Variants in CFLAR observed in about 807,000 individuals in gnomAD.
CFLAR encodes the protein CASP8 and FADD-like apoptosis regulator.
CFLAR carries 14 observed loss-of-function variants against 51.1 expected under a neutral mutation model. The observed-to-expected ratio is 0.27, with a 90% CI of 0.18 to 0.43. The LOEUF is 0.43. Among genes scored for constraint, CFLAR ranks in the 20% least tolerant of loss-of-function variants. The pLI is 1.00. For synonymous variants in CFLAR, 210 were observed against 211.6 expected, an observed-to-expected ratio of 0.99 and a Z score of 0.06; for missense variants, 390 against 566.5, an observed-to-expected ratio of 0.69 and a Z score of 3.16.
chr2:201,148,962 T>C (rs766671268), intron 6 of CFLAR, 41 bp from the exon 7 acceptor site: 1 of 1,452,184 alleles, frequency 6.9e-7, no homozygotes. Context: ...GACTTAGCTC[T>C]CCTTCAGCTT....
At chr2:201,161,073 G>A in intron 9 of CFLAR, 131 bp downstream of exon 9, 1 of 650,718 alleles carries the variant, frequency 1.5e-6, no homozygotes. Flanking sequence ...TCCTGCATTG[G>A]GCTTGCCCTA....
At chr2:201,148,828 T>TCA (rs1940753007) in intron 6 of CFLAR, 175 bp from the exon 7 acceptor site, 2 of 544,322 alleles carry the variant, frequency 3.7e-6, no homozygotes, top group Non-Finnish European at 6.7e-6. Context: ...TTTTCTTATG[T>TCA]CACTTTCTTC....
At chr2:201,139,951 G>A (rs1434850135) in intron 4 of CFLAR, 4 of 202,996 alleles carry the variant, frequency 2.0e-5, no homozygotes, top group South Asian at 1.7e-4. Flanking sequence ...GGTGTGGAGG[G>A]GCAACCCACC....
At chr2:201,150,867 A>G (rs1236423726) in intron 8 of CFLAR, among the ~76,000 whole-genome samples, 3 of 152,228 alleles carry the variant, frequency 2.0e-5, no homozygotes, top group Non-Finnish European at 4.4e-5. Context: ...TGGGGGACAC[A>G]TAACAGTGTC....
At chr2:201,148,161 A>T (rs1165612066) in intron 6 of CFLAR, 1 of 152,096 alleles carries the variant, frequency 6.6e-6, no homozygotes, top group African/African-American at 2.4e-5. Context: ...TTTGATTTTT[A>T]TGCCTCCAGA....
intron 6 of CFLAR, among the ~76,000 whole-genome samples, chr2:201,147,023 G>A (rs1275937362): frequency 2.6e-5 from 4 of 152,196 alleles, no homozygotes; most frequent in Non-Finnish European, 4.4e-5. Flanking sequence ...TTAGTATTCC[G>A]AAGCCTGTTT....
chr2:201,163,152 T>G (rs1272858565), intron 9 of CFLAR: 1 of 843,974 alleles, frequency 1.2e-6, no homozygotes. Flanking sequence ...GCTCTTATAT[T>G]TCCTCAAGTT....
chr2:201,164,032 A>G lies in CFLAR; in HGVS notation c.*59A>G, dbSNP rs3201947. 6.9e-7 allele frequency: 1 copy of G among 1,453,272 alleles called. No homozygotes were observed. The highest frequency in any genetic ancestry group is 1.4e-5 in the African/African-American group (1 of 70,444). The allele number at this position is 1,453,272 out of a possible 1,614,324, so 90.0% of individuals were successfully genotyped here. ...TGTAATCCCAGCACTTTGGGAGGCC[A>G]AGGAGGGCAGATCACTTCAGGTCAG... On this transcript the variant is annotated 3_prime_UTR_variant, in exon 10 of 10. Coordinates refer to ENST00000309955, the MANE Select transcript of CFLAR (RefSeq NM_003879.7).
rs371506486 is a variant in CFLAR, at chr2:201,136,430, C to T, written c.523+323C>T. The T allele has an allele frequency of 3.9e-4, 621 of 1,598,324 alleles. 3 individuals carry two copies. In the African/African-American group the frequency reaches 7.3e-3, roughly 19 times the overall value. On this transcript the variant is annotated intron_variant, in intron 4 of 9. Coordinates refer to ENST00000309955, the MANE Select transcript of CFLAR (RefSeq NM_003879.7). ...CAGGGGTTTTGCATGTATGCTGAAC[C>T]CTACTGCCTTGCTCTGGTATTTGGC...
At chr2:201,162,635 T>C in intron 9 of CFLAR, 1 of 208,552 alleles carries the variant, frequency 4.8e-6, no homozygotes, top group Non-Finnish European at 1.1e-5. Context: ...TCCTTTCACC[T>C]GGCTGTGAGC....
intron 1 of CFLAR, among the ~76,000 whole-genome samples, chr2:201,123,408 A>G (rs1395580923): frequency 6.6e-6 from 1 of 152,216 alleles, no homozygotes; most frequent in Non-Finnish European, 1.5e-5. Flanking sequence ...AGGTGCTGAC[A>G]TCTGGTGAGG....
In CFLAR at chr2:201,146,114, G is replaced by A. The variant is rs552135488; in HGVS notation, c.661+682G>A. Among the ~76,000 whole-genome samples, 334 of 151,714 alleles carry A rather than the reference G, an allele frequency of 2.2e-3. 2 individuals carry two copies. Among genetic ancestry groups the A allele is most frequent in the African/African-American group, 7.8e-3 (321 of 41,368 alleles). Reference sequence around the variant, plus strand: ...CCTGAGTAGCTGGGATTAAAGGCACGCACCACCACACCCAGCTAATTTTTT... The same window carrying A: ...CCTGAGTAGCTGGGATTAAAGGCACACACCACCACACCCAGCTAATTTTTT... On this transcript the variant is annotated intron_variant, in intron 6 of 9. Transcript: ENST00000309955.
intron 4 of CFLAR, 50 bp from the exon 5 acceptor site, chr2:201,140,307 T>G: frequency 6.3e-7 from 1 of 1,583,220 alleles, no homozygotes; most frequent in Non-Finnish European, 8.6e-7. Flanking sequence ...AAGATTTATT[T>G]GATAATAATT....
At position 201,133,668 on chromosome 2, in the gene CFLAR, T is replaced by C. The variant is rs529833389; in HGVS notation, c.387+534T>C. Among the ~76,000 whole-genome samples the C allele has an allele frequency of 7.0e-4, 107 of 152,124 alleles. 1 individual carries two copies. The South Asian group carries it at 0.019, about 27-fold the overall frequency. On this transcript the variant is annotated intron_variant, in intron 3 of 9. Coordinates refer to ENST00000309955, the MANE Select transcript of CFLAR (RefSeq NM_003879.7). ...CCAGGAGGCCGGGCGCAGTGGCTCA[T>C]GCCTGTAATCCCAGCACTTTGGGGG... is the stretch of plus-strand genomic sequence containing the variant.
intron 5 of CFLAR, among the ~76,000 whole-genome samples, chr2:201,144,965 G>A (rs1939806197): frequency 1.3e-5 from 2 of 152,054 alleles, no homozygotes; most frequent in Non-Finnish European, 2.9e-5. Context: ...CAATTCTCCT[G>A]CCTCAGCCTC....
rs574282558 is a variant in CFLAR at position 201,129,032 on chromosome 2, C to T, written c.-137-697C>T. ...TGCCATGTAGCAGTGCATTGAGAGTCAGGGCCTCTGGCACCTCCATGGGGC... is the reference window on the plus strand; with the variant it reads ...TGCCATGTAGCAGTGCATTGAGAGTTAGGGCCTCTGGCACCTCCATGGGGC... On this transcript the variant is annotated intron_variant, in intron 1 of 9. Transcript: ENST00000309955. Among the ~76,000 whole-genome samples, 9 of 152,292 alleles carry T rather than the reference C, an allele frequency of 5.9e-5. 1 individual carries two copies. In the South Asian group the frequency reaches 1.2e-3, roughly 21 times the overall value.
chr2:201,150,055 C>T (rs569308522), intron 8 of CFLAR: 2 of 340,736 alleles, frequency 5.9e-6, no homozygotes, highest in East Asian at 5.3e-5. Context: ...CTGGTGTGGG[C>T]TCGGGCACGG....
intron 1 of CFLAR, among the ~76,000 whole-genome samples, chr2:201,126,267 A>T (rs1395405234): frequency 1.3e-5 from 2 of 152,222 alleles, no homozygotes; most frequent in Admixed American, 6.5e-5. Context: ...TGGTTACAGG[A>T]AAGTAAACAG....
chr2:201,134,676 TAAAATAAAAA>T (rs1288208228), intron 3 of CFLAR, among the ~76,000 whole-genome samples: 1 of 146,282 alleles, frequency 6.8e-6, no homozygotes, highest in Non-Finnish European at 1.5e-5. Context: ...TAAAATAAAA[TAAAATAAAAA>T]AATATAAAAT....
Sources: gnomAD v4.1 joint callset for allele counts (sites outside exome capture counted in the v4.1 genomes callset) on GRCh38, gnomAD v4.1.1 for gene constraint, MANE v1.5 for transcripts, NCBI Gene and HGNC (gene_info 2026-07-23, HGNC 2026-07-21) for gene names.